Variants in ZC3H12B observed in about 807,000 individuals in gnomAD.
ZC3H12B encodes the protein probable ribonuclease ZC3H12B.
In ZC3H12B, 7 loss-of-function variants were observed where a neutral mutation model predicts 43.9. The observed-to-expected ratio is 0.16, with a 90% CI of 0.09 to 0.30. The LOEUF (loss-of-function observed/expected upper bound fraction) is 0.30. ZC3H12B is among the 10% of genes least tolerant of loss of function. The probability of loss-of-function intolerance (pLI) is 1.00; values close to 1 mark genes in which losing one functional copy is unlikely to be tolerated. For synonymous variants in ZC3H12B, 222 were observed against 241.7 expected (o/e 0.92, Z 0.76); for missense variants, 475 against 670.2 (o/e 0.71, Z 3.22).
intron 3 of ZC3H12B, among the ~76,000 whole-genome samples, chrX:65,432,781 T>G (rs918395092): frequency 1.6e-4 from 18 of 112,067 alleles, no homozygotes; most frequent in African/African-American, 5.5e-4. Flanking sequence ...AAATTTGACT[T>G]GGGTAGAAGG....
chrX:65,431,014 C>T (rs1192048200), intron 3 of ZC3H12B, among the ~76,000 whole-genome samples: 1 of 112,133 alleles, frequency 8.9e-6, no homozygotes, highest in Non-Finnish European at 1.9e-5. Flanking sequence ...GCCACTTTGG[C>T]CAACTCCCCC....
chrX:65,215,024 CT>C, the ZC3H12B span, among the ~76,000 whole-genome samples: 13 of 111,294 alleles, frequency 1.2e-4, no homozygotes, highest in African/African-American at 3.9e-4. Flanking sequence ...CAAAAGAATT[CT>C]TTTTTCTAAT....
the ZC3H12B span, among the ~76,000 whole-genome samples, chrX:65,211,643 G>A: frequency 1.1e-5 from 1 of 89,271 alleles, no homozygotes; most frequent in Non-Finnish European, 2.1e-5. Flanking sequence ...TTATAATTAT[G>A]CCTGTAATTA....
the ZC3H12B span, among the ~76,000 whole-genome samples, chrX:65,192,000 G>A: frequency 9.2e-6 from 1 of 108,902 alleles, no homozygotes; most frequent in Non-Finnish European, 1.9e-5. Flanking sequence ...GGTATGTTGT[G>A]TCTTTGTTCT....
At chrX:65,125,373 G>A in the ZC3H12B span, among the ~76,000 whole-genome samples, 14 of 111,135 alleles carry the variant, frequency 1.3e-4, no homozygotes, top group African/African-American at 4.2e-4. Flanking sequence ...ATATTACTTT[G>A]ATTTTCTTAA....
chrX:65,146,037 G>T, the ZC3H12B span, among the ~76,000 whole-genome samples: 76 of 111,477 alleles, frequency 6.8e-4, no homozygotes, highest in Non-Finnish European at 1.3e-3. Context: ...TCTCTAGCAA[G>T]TCCAGGGAAG....
chrX:65,472,976 GTA>G (rs1233764716), intron 3 of ZC3H12B, among the ~76,000 whole-genome samples: 1,563 of 73,412 alleles, frequency 0.021, 18 homozygotes, highest in African/African-American at 0.04. Flanking sequence ...GTATGTGTGT[GTA>G]TATATATATA....
At chrX:65,359,772 C>A in the ZC3H12B span, among the ~76,000 whole-genome samples, 1 of 112,323 alleles carries the variant, frequency 8.9e-6, no homozygotes, top group Non-Finnish European at 1.9e-5. Flanking sequence ...TAGAATATTA[C>A]ATAAACTTAT....
chrX:65,211,851 G>T, the ZC3H12B span, among the ~76,000 whole-genome samples: 2 of 74,501 alleles, frequency 2.7e-5, no homozygotes, highest in Non-Finnish European at 4.6e-5. Context: ...TATAATATAT[G>T]TTATGTATAC....
At chrX:65,214,531 C>T in the ZC3H12B span, among the ~76,000 whole-genome samples, 1 of 111,545 alleles carries the variant, frequency 9.0e-6, no homozygotes, top group African/African-American at 3.3e-5. Flanking sequence ...AATGTTCATC[C>T]GTTTTACCAT....
the ZC3H12B span, among the ~76,000 whole-genome samples, chrX:65,265,925 C>T: frequency 9.0e-6 from 1 of 111,636 alleles, no homozygotes; most frequent in Non-Finnish European, 1.9e-5. Flanking sequence ...AATGTTCACC[C>T]TAACTTTCTA....
At chrX:65,108,104 C>G in the ZC3H12B span, among the ~76,000 whole-genome samples, 655 of 111,105 alleles carry the variant, frequency 5.9e-3, 7 homozygotes, top group Non-Finnish European at 9.6e-3. Context: ...GCTTGCAGAA[C>G]TGGAAGTTGC....
At chrX:65,116,458 A>C in the ZC3H12B span, among the ~76,000 whole-genome samples, 1 of 111,327 alleles carries the variant, frequency 9.0e-6, no homozygotes, top group Non-Finnish European at 1.9e-5. Flanking sequence ...TGGCCTTATA[A>C]TATAGTTTGA....
At chrX:65,405,349 G>T (rs1463613651) in intron 3 of ZC3H12B, among the ~76,000 whole-genome samples, 2 of 112,747 alleles carry the variant, frequency 1.8e-5, no homozygotes, top group African/African-American at 3.2e-5. Flanking sequence ...GCTGGGTGTG[G>T]TGGCTCACGC....
intron 3 of ZC3H12B, chrX:65,408,226 G>C: frequency 3.4e-6 from 4 of 1,185,005 alleles, no homozygotes; most frequent in Non-Finnish European, 4.6e-6. Context: ...TGGAATGTGA[G>C]TAACCGGCAA....
the ZC3H12B span, among the ~76,000 whole-genome samples, chrX:65,123,015 G>A: frequency 8.9e-6 from 1 of 111,872 alleles, no homozygotes; most frequent in South Asian, 3.7e-4. Context: ...AGTTTTCAAA[G>A]GGAATGCTTT....
upstream of ZC3H12B, among the ~76,000 whole-genome samples, chrX:65,487,349 T>C (rs1602523077): frequency 8.9e-6 from 1 of 112,211 alleles, no homozygotes; most frequent in African/African-American, 3.2e-5. Flanking sequence ...GAGACCAGCC[T>C]GGCCAACATG....
chrX:65,240,309 TTCAGAAAGA>T, the ZC3H12B span, among the ~76,000 whole-genome samples: 1 of 111,899 alleles, frequency 8.9e-6, no homozygotes, highest in African/African-American at 3.2e-5. Context: ...TCTGTCCGAT[TTCAGAAAGA>T]TAGTCTTCAA....
At chrX:65,324,136 C>G in the ZC3H12B span, among the ~76,000 whole-genome samples, 6 of 112,064 alleles carry the variant, frequency 5.4e-5, no homozygotes, top group African/African-American at 1.9e-4. Flanking sequence ...TTCTCCCATT[C>G]TGTAGGTTGC....
Sources: allele counts gnomAD v4.1 joint callset (sites outside exome capture counted in the v4.1 genomes callset), GRCh38; gene constraint gnomAD v4.1.1; transcripts MANE v1.5; gene names NCBI Gene and HGNC (gene_info 2026-07-23, HGNC 2026-07-21).